Variants in RPTOR observed in about 807,000 individuals in gnomAD.
RPTOR encodes the protein regulatory-associated protein of mTOR.
Under a neutral mutation model 169.9 loss-of-function variants are expected in RPTOR, and 21 were observed. That is an observed-to-expected ratio of 0.12 (90% CI 0.09 to 0.18). The LOEUF (loss-of-function observed/expected upper bound fraction) is 0.18. Ranked by LOEUF, RPTOR falls within the 10% of genes least tolerant of loss-of-function variation. The pLI is 1.00. For synonymous variants in RPTOR, 732 were observed against 753.2 expected (o/e 0.97, Z 0.46); for missense variants, 1,133 against 1,855.9 (o/e 0.61, Z 7.16).
intron 3 of RPTOR, among the ~76,000 whole-genome samples, chr17:80,700,757 ATGG>A (rs1460891152): frequency 5.6e-4 from 27 of 48,544 alleles, no homozygotes; most frequent in East Asian, 3.3e-3. Flanking sequence ...GGTGGTGATG[ATGG>A]TGATGGTGAT....
chr17:80,932,415 A>C (rs1243246029), intron 24 of RPTOR, among the ~76,000 whole-genome samples: 4 of 152,216 alleles, frequency 2.6e-5, no homozygotes, highest in Non-Finnish European at 4.4e-5. Context: ...CAAGAGACAA[A>C]GCAGAGAAAG....
chr17:80,842,457 G>C (rs528305740), intron 10 of RPTOR, among the ~76,000 whole-genome samples: 1 of 151,994 alleles, frequency 6.6e-6, no homozygotes, highest in African/African-American at 2.4e-5. Flanking sequence ...GTGATCCTTC[G>C]GGGTCCCAGG....
chr17:80,919,040 ACTGAC>A (rs994600369), intron 21 of RPTOR, among the ~76,000 whole-genome samples: 2 of 152,190 alleles, frequency 1.3e-5, no homozygotes, highest in African/African-American at 4.8e-5. Flanking sequence ...CTCGGCCTCC[ACTGAC>A]GCGGCGTTCT....
chr17:80,858,947 C>T (rs1366197964), intron 13 of RPTOR, among the ~76,000 whole-genome samples: 1 of 152,180 alleles, frequency 6.6e-6, no homozygotes, highest in Non-Finnish European at 1.5e-5. Flanking sequence ...ATAAACATTG[C>T]CTGGCCTCGG....
Position 80,966,242 on chromosome 17 carries a change from C to T in RPTOR, c.*1912C>T, listed in dbSNP as rs946124752. On this transcript the variant is annotated 3_prime_UTR_variant, in exon 34 of 34. Coordinates refer to ENST00000306801, the MANE Select transcript of RPTOR (RefSeq NM_020761.3). ...CACGACGTTAACCGGCTCGAGAGAG[C>T]GCCGGCCTAGAGGCTCATTATCTAT... The T allele has an allele frequency of 1.7e-5, 4 of 231,840 alleles. No homozygotes were observed. The highest frequency in any genetic ancestry group is 2.6e-5 in the Non-Finnish European group (3 of 117,384). The allele number at this position is 231,840 out of a possible 1,614,324, so 14.4% of individuals were successfully genotyped here. A position where few individuals can be genotyped will look rare whatever the true frequency, so the allele number is the denominator to read the frequency against.
intron 13 of RPTOR, among the ~76,000 whole-genome samples, chr17:80,869,697 C>T (rs911568737): frequency 3.9e-5 from 6 of 152,106 alleles, no homozygotes; most frequent in African/African-American, 9.7e-5. Context: ...GTCGCTGTCA[C>T]GTGTCTGGAG....
intron 1 of RPTOR, among the ~76,000 whole-genome samples, chr17:80,595,428 T>C (rs1568325115): frequency 1.3e-5 from 2 of 152,172 alleles, no homozygotes; most frequent in Admixed American, 6.5e-5. Context: ...TGTGATCTGC[T>C]GAGTTGGGCA....
At chr17:80,744,754 C>G (rs796502601) in intron 5 of RPTOR, among the ~76,000 whole-genome samples, 1 of 73,836 alleles carries the variant, frequency 1.4e-5, no homozygotes, top group Admixed American at 9.6e-5. Context: ...GCTACTAGCA[C>G]TGTCCTGGCT....
chr17:80,640,392 G>A (rs1031560153), intron 2 of RPTOR, among the ~76,000 whole-genome samples: 7 of 152,240 alleles, frequency 4.6e-5, no homozygotes, highest in Middle Eastern at 3.4e-3. Context: ...TAAATGCATC[G>A]TTTCATTTGA....
chr17:80,779,766 A>G (rs1403811218), intron 6 of RPTOR, among the ~76,000 whole-genome samples: 1 of 152,196 alleles, frequency 6.6e-6, no homozygotes, highest in Non-Finnish European at 1.5e-5. Context: ...CCCACCCCCC[A>G]GCTAGTTCAG....
intron 9 of RPTOR, among the ~76,000 whole-genome samples, chr17:80,835,769 A>G (rs941373164): frequency 3.3e-5 from 5 of 152,228 alleles, no homozygotes; most frequent in Non-Finnish European, 4.4e-5. Flanking sequence ...CTCATTATGT[A>G]TATGCAAATA....
intron 26 of RPTOR, among the ~76,000 whole-genome samples, 199 bp downstream of exon 26, chr17:80,945,980 C>A (rs919091019): frequency 4.6e-5 from 7 of 152,198 alleles, no homozygotes; most frequent in Non-Finnish European, 1.0e-4. Flanking sequence ...CTGCCCCGGG[C>A]CTGGCCCTGT....
At chr17:80,819,819 G>A (rs975560746) in intron 7 of RPTOR, among the ~76,000 whole-genome samples, 5 of 152,166 alleles carry the variant, frequency 3.3e-5, no homozygotes, top group Admixed American at 2.0e-4. Flanking sequence ...TCACTCAATC[G>A]GTCTTGTCTG....
chr17:80,632,065 T>G (rs2065446311), intron 2 of RPTOR, among the ~76,000 whole-genome samples: 1 of 152,188 alleles, frequency 6.6e-6, no homozygotes, highest in Non-Finnish European at 1.5e-5. Context: ...CCCTCACCCC[T>G]TCCAGGCTGC....
intron 6 of RPTOR, among the ~76,000 whole-genome samples, chr17:80,780,780 G>A (rs576760515): frequency 2.0e-5 from 3 of 152,072 alleles, no homozygotes; most frequent in East Asian, 1.9e-4. Context: ...CCTCCCCCCG[G>A]GGGGCCTCAC....
At chr17:80,700,363 A>C (rs1466080580) in intron 3 of RPTOR, among the ~76,000 whole-genome samples, 2 of 135,138 alleles carry the variant, frequency 1.5e-5, no homozygotes, top group African/African-American at 6.9e-5. Flanking sequence ...ATGATCTAAG[A>C]AATAGATAAG....
chr17:80,880,399 GTC>G lies in RPTOR; in HGVS notation c.1510-12_1510-11del, dbSNP rs2068173318. 1.2e-6 allele frequency: 2 copies of G among 1,613,022 alleles called. No individual in the cohort carries two copies. Among genetic ancestry groups the G allele is most frequent in the Non-Finnish European group, 1.7e-6 (2 of 1,179,374 alleles). On this transcript the variant is annotated splice_polypyrimidine_tract_variant and intron_variant, in intron 13 of 33. Coordinates refer to ENST00000306801, the MANE Select transcript of RPTOR (RefSeq NM_020761.3). Reference sequence around the variant, plus strand: ...ACACTGCACTCACTGCCTCTCCTCTGTCTCTTTCTGTCCAGTCGTGCCAAGCG... The same window carrying G: ...ACACTGCACTCACTGCCTCTCCTCTGTCTTTCTGTCCAGTCGTGCCAAGCG...
intron 1 of RPTOR, among the ~76,000 whole-genome samples, chr17:80,576,406 CT>C (rs1275100437): frequency 6.6e-6 from 1 of 152,158 alleles, no homozygotes; most frequent in Admixed American, 6.6e-5. Flanking sequence ...GACCTTTATT[CT>C]TTTCTTAGAC....
intron 7 of RPTOR, among the ~76,000 whole-genome samples, chr17:80,798,159 G>A (rs2143519004): frequency 6.6e-6 from 1 of 152,318 alleles, no homozygotes; most frequent in African/African-American, 2.4e-5. Flanking sequence ...TGTGCCCCGG[G>A]CAAGGGAGTC....
Sources: gnomAD v4.1 joint callset for allele counts (sites outside exome capture counted in the v4.1 genomes callset) on GRCh38, gnomAD v4.1.1 for gene constraint, MANE v1.5 for transcripts, NCBI Gene and HGNC (gene_info 2026-07-23, HGNC 2026-07-21) for gene names.